BTBD17: variants seen among roughly 807,000 people sequenced by gnomAD.
The protein encoded by BTBD17 is BTB/POZ domain-containing protein 17.
Under a neutral mutation model 36.9 loss-of-function variants are expected in BTBD17, and 26 were observed. The observed-to-expected ratio is 0.70, with a 90% CI of 0.52 to 0.98. BTBD17 has a LOEUF of 0.98. BTBD17 is among the 50% of genes least tolerant of loss of function. The pLI is 0.00. For missense variants in BTBD17, 630 were observed against 691.3 expected (o/e 0.91, Z 0.99); for synonymous variants, 341 against 338.0 (o/e 1.01, Z -0.10).
intron 1 of BTBD17, among the ~76,000 whole-genome samples, chr17:74,361,335 T>TGGTGCACACAGGAGAGAA (rs1189054235): frequency 1.3e-5 from 2 of 152,166 alleles, no homozygotes; most frequent in Non-Finnish European, 2.9e-5. Context: ...TGCAGGCCCG[T>TGGTGCACACAGGAGAGAA]GGTGCACACA....
chr17:74,360,265 A>T lies in BTBD17; in HGVS notation c.86-20T>A. ...TCTGTGCTGCAGCAGGAAGGAACAC[A>T]GCATAGCCTGAGAAGGTGCCCGGGC... On this transcript the variant is annotated intron_variant, in intron 1 of 2. Transcript: ENST00000375366. The T allele has an allele frequency of 6.3e-7, 1 of 1,587,368 alleles. No individual in the cohort carries two copies. The highest frequency in any genetic ancestry group is 8.6e-7 in the Non-Finnish European group (1 of 1,164,450).
upstream of BTBD17, among the ~76,000 whole-genome samples, chr17:74,363,130 T>C (rs571021759): frequency 6.6e-6 from 1 of 152,150 alleles, no homozygotes; most frequent in East Asian, 1.9e-4. Flanking sequence ...GGGCTCTAGG[T>C]TGGGGATGAA....
rs1369300836 is a variant in BTBD17 at position 74,357,139 on chromosome 17, G to C, written c.955C>G (p.Pro319Ala). Residue 319 changes from proline (P) to alanine (A), a missense_variant, in exon 3 of 3, where the codon CCC becomes GCC. Pro to Ala is a conservative substitution (Grantham distance 27, BLOSUM62 -1). Coordinates refer to ENST00000375366, the MANE Select transcript of BTBD17 (RefSeq NM_001080466.2). This position sits in a 1 kb window ranked among gnomAD's most constrained non-coding sequence, Gnocchi z 8.4. The part of the protein sequence containing the change: ...SAFLPRNYLA[P>A]AWGAPWVINN... The stretch of plus-strand genomic sequence containing the variant: ...ATGACCCACGGGGCGCCCCAGGCGG[G>C]CGCGAGGTAGTTGCGGGGCAGGAAG... 2 of 1,532,250 alleles carry C rather than the reference G, an allele frequency of 1.3e-6. No homozygotes were observed. Among genetic ancestry groups the C allele is most frequent in the South Asian group, 2.5e-5 (2 of 80,504 alleles). The allele number at this position is 1,532,250 out of a possible 1,614,324, so 94.9% of individuals were successfully genotyped here. A position where few individuals can be genotyped will look rare whatever the true frequency, so the allele number is the denominator to read the frequency against.
chr17:74,360,762 C>A (rs571684502), intron 1 of BTBD17, among the ~76,000 whole-genome samples: 4 of 152,206 alleles, frequency 2.6e-5, no homozygotes, highest in Non-Finnish European at 5.9e-5. Flanking sequence ...AGTTCTTATG[C>A]TCATAAAAGC....
At chr17:74,361,188 T>C (rs1470522070) in intron 1 of BTBD17, among the ~76,000 whole-genome samples, 2 of 152,206 alleles carry the variant, frequency 1.3e-5, no homozygotes. Context: ...GACAGTCAGA[T>C]GGGGATATGC....
upstream of BTBD17, among the ~76,000 whole-genome samples, chr17:74,362,955 A>AGCGCGC (rs149234241): frequency 2.3e-3 from 198 of 84,760 alleles, 2 homozygotes; most frequent in African/African-American, 6.5e-3. Flanking sequence ...GCTCAGCAAA[A>AGCGCGC]GCGCGCGCGC....
In BTBD17 at chr17:74,361,695, C is replaced by T. The variant is rs376029033; in HGVS notation, c.85+40G>A. On this transcript the variant is annotated intron_variant, in intron 1 of 2. Coordinates refer to ENST00000375366, the MANE Select transcript of BTBD17 (RefSeq NM_001080466.2). The stretch of plus-strand genomic sequence containing the variant: ...TGCAGCCAGGGCTGGGACGACCTGC[C>T]GCTCCACCCTGCCCCGCACCTGGCC... The T allele has an allele frequency of 2.6e-5, 41 of 1,560,312 alleles. No individual in the cohort carries two copies. The African/African-American group carries it at 3.8e-4, about 14-fold the overall frequency.
At position 74,356,766 on chromosome 17, in the gene BTBD17, G is replaced by A. The variant is rs1287161908; in HGVS notation, c.1328C>T (p.Ala443Val). The change falls in exon 3 of 3, where the codon GCG (alanine) becomes GTG (valine). Residue 443 changes from alanine (A) to valine (V), a missense_variant. By Grantham distance (64) the Ala-to-Val change is moderately conservative (BLOSUM62 0). Transcript: ENST00000375366. This position sits in a 1 kb window ranked among gnomAD's most constrained non-coding sequence, Gnocchi z 4.3. ...GTTGCGCCGCTGCAGGTCGGCGTGC[G>A]CCAGGAAGTCGCCGGCCTCCTCGCT... ...QSSEEAGDFL[A>V]HADLQRRNSE... is the part of the protein sequence containing the mutation. The A allele has an allele frequency of 3.1e-6, 5 of 1,602,010 alleles. No homozygotes were observed. Among genetic ancestry groups the A allele is most frequent in the Non-Finnish European group, 4.3e-6 (5 of 1,175,210 alleles).
chr17:74,360,238 T>C lies in BTBD17; in HGVS notation c.93A>G (p.Arg31=). Reference sequence around the variant, plus strand: ...CAGCTGCCTCCCCGCCAACATCGGCTCTCTGTGCTGCAGCAGGAAGGAACA... The same window carrying C: ...CAGCTGCCTCCCCGCCAACATCGGCCCTCTGTGCTGCAGCAGGAAGGAACA... The part of the protein sequence containing the change: ...LVGLVTHAAQ[R]ADVGGEAAGT... Residue 31 remains arginine (R), a synonymous_variant, in exon 2 of 3, where the codon AGA becomes AGG. Coordinates refer to ENST00000375366, the MANE Select transcript of BTBD17 (RefSeq NM_001080466.2). 1 of 1,604,070 alleles carries C rather than the reference T, an allele frequency of 6.2e-7. No individual in the cohort carries two copies. The highest frequency in any genetic ancestry group is 2.2e-5 in the East Asian group (1 of 44,628).
In BTBD17 at chr17:74,360,033, T is replaced by A; in HGVS notation, c.298A>T (p.Asn100Tyr). The change falls in exon 2 of 3, where the codon AAC becomes TAC. Residue 100 changes from asparagine to tyrosine, a missense_variant. Physicochemically the swap from Asn to Tyr is moderately radical, Grantham distance 143 (BLOSUM62 -2). Coordinates refer to ENST00000375366, the MANE Select transcript of BTBD17 (RefSeq NM_001080466.2). ...HSELFLELLSNQSEAVLQEPQ... is the reference protein window; with the variant it reads ...HSELFLELLSYQSEAVLQEPQ... ...TCCTGCAGCACCGCCTCGCTCTGGT[T>A]ACTTAGCAGCTCCAGGAACAGCTCA... 1 of 1,612,912 alleles carries A rather than the reference T, an allele frequency of 6.2e-7. No homozygotes were observed. Among genetic ancestry groups the A allele is most frequent in the Non-Finnish European group, 8.5e-7 (1 of 1,180,022 alleles).
At chr17:74,361,646 A>G in intron 1 of BTBD17, 89 bp downstream of exon 1, 3 of 1,058,078 alleles carry the variant, frequency 2.8e-6, no homozygotes, top group South Asian at 1.5e-5. Flanking sequence ...GCAGCTGGAC[A>G]CCGCCCCCTC....
At chr17:74,362,231 C>T (rs1225744032), upstream of BTBD17, among the ~76,000 whole-genome samples, 4 of 152,316 alleles carry the variant, frequency 2.6e-5, no homozygotes, top group East Asian at 1.9e-4. Flanking sequence ...CCCCAGGCCT[C>T]GGCCCTGGCA....
rs774047988 is a variant in BTBD17 at position 74,356,708 on chromosome 17, C to T, written c.1386G>A (p.Leu462=). 6 of 1,593,230 alleles carry T rather than the reference C, an allele frequency of 3.8e-6. No homozygotes were observed. In the East Asian group the frequency reaches 7.0e-5, roughly 19 times the overall value. Residue 462 remains leucine, a synonymous_variant, in exon 3 of 3, where the codon CTG becomes CTA. Transcript: ENST00000375366. The surrounding 1 kb of genome is among the most constrained non-coding windows in gnomAD (Gnocchi z 4.3). ...GGTATACGGGCTTGACGATGAGGTG[C>T]AGGTGCAGGGCGTTCTCAACCAGGT... ...SEYLVENALH[L]HLIVKPVYHT... is the part of the protein sequence containing the mutation.
At position 74,360,102 on chromosome 17, in the gene BTBD17, C is replaced by T. The variant is rs376825535; in HGVS notation, c.229G>A (p.Val77Ile). The T allele has an allele frequency of 3.1e-5, 50 of 1,613,276 alleles. No homozygotes were observed. The highest frequency in any genetic ancestry group is 1.7e-4 in the Middle Eastern group (1 of 6,048). Reference sequence around the variant, plus strand: ...AGGCGGTGGGCGTGGAATACCCGGACCTCATCGGTGCCCGCAGCCTGCACC... The same window carrying T: ...AGGCGGTGGGCGTGGAATACCCGGATCTCATCGGTGCCCGCAGCCTGCACC... Reference protein sequence around the residue: ...LRVQAAGTDEVRVFHAHRLLL... With the variant: ...LRVQAAGTDEIRVFHAHRLLL... The change falls in exon 2 of 3, where the codon GTC becomes ATC. Residue 77 changes from valine to isoleucine, a missense_variant. Transcript: ENST00000375366.
Position 74,356,937 on chromosome 17 carries a change from G to A in BTBD17, c.1157C>T (p.Pro386Leu). 3 of 1,396,460 alleles carry A rather than the reference G, an allele frequency of 2.1e-6. 1 individual carries two copies. The highest frequency in any genetic ancestry group is 3.2e-5 in the South Asian group (2 of 61,934). 86.5% of individuals were successfully genotyped at this position (1,396,460 alleles called of 1,614,324 possible). A position where few individuals can be genotyped will look rare whatever the true frequency, so the allele number is the denominator to read the frequency against. Residue 386 changes from proline to leucine, a missense_variant, in exon 3 of 3, where the codon CCG (proline) becomes CTG (leucine). Coordinates refer to ENST00000375366, the MANE Select transcript of BTBD17 (RefSeq NM_001080466.2). This position sits in a 1 kb window ranked among gnomAD's most constrained non-coding sequence, Gnocchi z 4.3. ...AAGTALPAARPEDGRPRLVVT... is the reference protein window; with the variant it reads ...AAGTALPAARLEDGRPRLVVT... ...CACCAGCCGCGGTCGGCCGTCCTCC[G>A]GGCGCGCGGCGGGCAGAGCAGTGCC...
rs1389417464 is a variant in BTBD17, at chr17:74,360,232, A to G, written c.99T>C (p.Asp33=). 5 of 1,605,198 alleles carry G rather than the reference A, an allele frequency of 3.1e-6. No homozygotes were observed. Among genetic ancestry groups the G allele is most frequent in the Non-Finnish European group, 4.3e-6 (5 of 1,174,916 alleles). ...AGGTGCCAGCTGCCTCCCCGCCAAC[A>G]TCGGCTCTCTGTGCTGCAGCAGGAA... ...GLVTHAAQRA[D]VGGEAAGTSI... is the part of the protein sequence containing the mutation. The change falls in exon 2 of 3, where the codon GAT becomes GAC. Residue 33 remains aspartate (D), a synonymous_variant. Coordinates refer to ENST00000375366, the MANE Select transcript of BTBD17 (RefSeq NM_001080466.2).
intron 2 of BTBD17, 115 bp downstream of exon 2, chr17:74,359,854 T>C: frequency 9.6e-7 from 1 of 1,041,126 alleles, no homozygotes; most frequent in Non-Finnish European, 1.4e-6. Flanking sequence ...CCCAGTGATG[T>C]CCGGGGAAAT....
chr17:74,360,594 G>A (rs11650943), intron 1 of BTBD17, among the ~76,000 whole-genome samples: 59,760 of 152,028 alleles, frequency 0.39, 13,683 homozygotes, highest in Non-Finnish European at 0.5. Context: ...GAGGAAACTC[G>A]TGGTCCCACC....
Position 74,361,805 on chromosome 17 carries a change from G to A in BTBD17, c.15C>T (p.Gly5=). 6.2e-7 allele frequency: 1 copy of A among 1,613,822 alleles called. No homozygotes were observed. The highest frequency in any genetic ancestry group is 1.3e-5 in the African/African-American group (1 of 75,056). Reference sequence around the variant, plus strand: ...TGCCCCAGGACCCAGGCTTGGAGTAGCCTCTCCTAGGCATCTTTATGCTCA... The same window carrying A: ...TGCCCCAGGACCCAGGCTTGGAGTAACCTCTCCTAGGCATCTTTATGCTCA... MPRR[G]YSKPGSWGSF... is the part of the protein sequence containing the mutation. The change falls in exon 1 of 3, where the codon GGC becomes GGT. Residue 5 remains glycine (G), a synonymous_variant. Transcript: ENST00000375366.
Sources: allele counts gnomAD v4.1 joint callset (sites outside exome capture counted in the v4.1 genomes callset), GRCh38; gene constraint gnomAD v4.1.1; non-coding constraint Gnocchi (gnomAD v3.1); transcripts MANE v1.5; gene names NCBI Gene and HGNC (gene_info 2026-07-23, HGNC 2026-07-21).